Variants in INSC observed in about 807,000 individuals in gnomAD.
INSC encodes protein inscuteable homolog.
Under a neutral mutation model 58.6 loss-of-function variants are expected in INSC, and 67 were observed. That is an observed-to-expected ratio of 1.14 (90% CI 0.94 to 1.40). The LOEUF (loss-of-function observed/expected upper bound fraction) is 1.40, where lower values mean the gene tolerates loss of function less well. INSC is among the 40% of genes most tolerant of loss of function. INSC has a pLI of 0.00. For synonymous variants in INSC, 262 were observed against 276.1 expected (o/e 0.95, Z 0.51); for missense variants, 714 against 692.0 (o/e 1.03, Z -0.36).
chr11:15,172,303 C>T (rs1482733624), intron 2 of INSC, among the ~76,000 whole-genome samples: 1 of 152,084 alleles, frequency 6.6e-6, no homozygotes, highest in African/African-American at 2.4e-5. Context: ...TCCATCGTGT[C>T]AATCTCGGGG....
In INSC at chr11:15,220,052, T is replaced by G. The variant is rs577868272; in HGVS notation, c.820-1425T>G. Among the ~76,000 whole-genome samples, 8 of 152,356 alleles carry G rather than the reference T, an allele frequency of 5.3e-5. No homozygotes were observed. In the South Asian group the frequency reaches 1.5e-3, roughly 28 times the overall value. ...CTGGGCTCCTGTTTCCACATTTGTC[T>G]CCTTTGAGTCTGAGATTGCCAAAGG... On this transcript the variant is annotated intron_variant, in intron 7 of 12. Coordinates refer to ENST00000379556, the MANE Select transcript of INSC (RefSeq NM_001042536.3).
At chr11:15,167,984 G>T (rs1849260560) in intron 2 of INSC, among the ~76,000 whole-genome samples, 1 of 152,096 alleles carries the variant, frequency 6.6e-6, no homozygotes, top group South Asian at 2.1e-4. Context: ...CAGGGTCAGG[G>T]GCTCACAGTT....
At chr11:15,188,428 AC>A in intron 5 of INSC, 1 of 820,228 alleles carries the variant, frequency 1.2e-6, no homozygotes, top group Non-Finnish European at 1.5e-6. Context: ...TCCTCCCAAG[AC>A]CACATAGGTA....
chr11:15,193,844 C>T (rs1272140097), intron 6 of INSC, among the ~76,000 whole-genome samples: 1 of 152,130 alleles, frequency 6.6e-6, no homozygotes, highest in Non-Finnish European at 1.5e-5. Context: ...ATTTCTAGTT[C>T]TAGATCCTTG....
chr11:15,150,442 G>C (rs1459328559), intron 2 of INSC, among the ~76,000 whole-genome samples: 1 of 152,204 alleles, frequency 6.6e-6, no homozygotes, highest in Non-Finnish European at 1.5e-5. Context: ...TCTTTCTGTT[G>C]TGTTCCACTG....
At chr11:15,142,823 A>AT (rs1156272790) in intron 1 of INSC, among the ~76,000 whole-genome samples, 4 of 151,348 alleles carry the variant, frequency 2.6e-5, no homozygotes, top group Non-Finnish European at 5.9e-5. Flanking sequence ...TTGTATATAT[A>AT]TTTTTATTAT....
chr11:15,199,434 T>C (rs1354678782), intron 6 of INSC, among the ~76,000 whole-genome samples: 2 of 152,148 alleles, frequency 1.3e-5, no homozygotes, highest in East Asian at 1.9e-4. Context: ...GCCTATCATT[T>C]TGGGGTGGAG....
intron 2 of INSC, among the ~76,000 whole-genome samples, chr11:15,170,491 G>C (rs910930272): frequency 6.6e-6 from 1 of 152,114 alleles, no homozygotes; most frequent in Non-Finnish European, 1.5e-5. Flanking sequence ...TGAGACTGAG[G>C]CTACGTGTCC....
At chr11:15,136,242 A>G (rs1040981951) in intron 1 of INSC, among the ~76,000 whole-genome samples, 1 of 152,220 alleles carries the variant, frequency 6.6e-6, no homozygotes, top group Non-Finnish European at 1.5e-5. Context: ...CAATGTACAT[A>G]TATAATTAAA....
Position 15,224,967 on chromosome 11 carries a change from G to A in INSC, c.992-683G>A, listed in dbSNP as rs187644273. 2.7e-3 allele frequency among the ~76,000 whole-genome samples: 413 copies of A among 152,204 alleles called. 3 individuals are homozygous for A. Among genetic ancestry groups the A allele is most frequent in the African/African-American group, 9.1e-3 (376 of 41,466 alleles). ...AGGCTCTGTTGATGGCAGCTGGAGG[G>A]GTATAGTCTCTCTGTTTCACCTTTA... On this transcript the variant is annotated intron_variant, in intron 8 of 12. Coordinates refer to ENST00000379556, the MANE Select transcript of INSC (RefSeq NM_001042536.3).
chr11:15,144,895 C>T (rs1315403030), intron 1 of INSC, among the ~76,000 whole-genome samples: 1 of 152,212 alleles, frequency 6.6e-6, no homozygotes, highest in Admixed American at 6.5e-5. Flanking sequence ...ACACTTAAGA[C>T]TTCAAGTCTT....
chr11:15,134,244 C>T (rs1848189847), intron 1 of INSC, among the ~76,000 whole-genome samples: 1 of 152,006 alleles, frequency 6.6e-6, no homozygotes, highest in South Asian at 2.1e-4. Flanking sequence ...TTGTAAGATC[C>T]CTGTTACTTC....
chr11:15,231,789 G>A (rs534329046), intron 9 of INSC, among the ~76,000 whole-genome samples: 1 of 152,336 alleles, frequency 6.6e-6, no homozygotes, highest in South Asian at 2.1e-4. Context: ...CTACTTGGGT[G>A]TCCTGGGTAT....
chr11:15,261,785 G>A, the INSC span, among the ~76,000 whole-genome samples: 1 of 152,102 alleles, frequency 6.6e-6, no homozygotes, highest in East Asian at 1.9e-4. Flanking sequence ...ATGGGGTAGA[G>A]CTCTCAGAAA....
At chr11:15,204,273 G>T (rs1250918884) in intron 7 of INSC, among the ~76,000 whole-genome samples, 1 of 152,270 alleles carries the variant, frequency 6.6e-6, no homozygotes, top group Non-Finnish European at 1.5e-5. Context: ...TTGCTCAAGG[G>T]CGCATAGCTA....
chr11:15,130,218 G>A (rs1045481129), intron 1 of INSC, among the ~76,000 whole-genome samples: 7 of 152,140 alleles, frequency 4.6e-5, no homozygotes, highest in African/African-American at 1.4e-4. Flanking sequence ...ATTTCTTGTG[G>A]TATATATTTT....
downstream of INSC, among the ~76,000 whole-genome samples, chr11:15,248,315 G>T (rs1173289282): frequency 6.6e-6 from 1 of 152,150 alleles, no homozygotes; most frequent in African/African-American, 2.4e-5. Context: ...GTACAATTTG[G>T]TGCCACTGCC....
At chr11:15,201,905 A>G (rs1850608485) in intron 7 of INSC, among the ~76,000 whole-genome samples, 1 of 152,144 alleles carries the variant, frequency 6.6e-6, no homozygotes, top group Non-Finnish European at 1.5e-5. Flanking sequence ...CTGGCAGCCC[A>G]AATAACTCCA....
intron 6 of INSC, among the ~76,000 whole-genome samples, chr11:15,193,736 G>C (rs1366538732): frequency 6.6e-6 from 1 of 152,088 alleles, no homozygotes; most frequent in South Asian, 2.1e-4. Context: ...ATTGTGAATA[G>C]TGCCACAATA....
Sources: allele counts gnomAD v4.1 joint callset (sites outside exome capture counted in the v4.1 genomes callset), GRCh38; gene constraint gnomAD v4.1.1; transcripts MANE v1.5; gene names NCBI Gene and HGNC (gene_info 2026-07-23, HGNC 2026-07-21).